The following TYW3 variants were observed in gnomAD, a reference collection of about 807,000 sequenced individuals.
The protein encoded by TYW3 is tRNA-yW synthesizing protein 3 homolog, also known as tRNA wybutosine-synthesizing protein 3 homolog.
Under a neutral mutation model 23.1 loss-of-function variants are expected in TYW3, and 26 were observed. The ratio of observed to expected loss-of-function variants is 1.13; its 90% CI spans 0.83 to 1.56. The LOEUF is 1.56. Ranked by LOEUF, TYW3 falls within the 40% of genes most tolerant of loss-of-function variation. The probability of loss-of-function intolerance (pLI) is 0.00; values close to 1 mark genes in which losing one functional copy is unlikely to be tolerated. For synonymous variants in TYW3, 102 were observed against 105.7 expected, an observed-to-expected ratio of 0.97 and a Z score of 0.21; for missense variants, 316 against 311.9, an observed-to-expected ratio of 1.01 and a Z score of -0.10.
chr1:74,746,429 C>G (rs942030164), intron 3 of TYW3, among the ~76,000 whole-genome samples: 4 of 152,212 alleles, frequency 2.6e-5, no homozygotes, highest in African/African-American at 9.7e-5. Context: ...GACTTTAACT[C>G]TCCTGTTTCT....
At chr1:74,739,866 C>G (rs548270870) in intron 3 of TYW3, among the ~76,000 whole-genome samples, 3 of 152,118 alleles carry the variant, frequency 2.0e-5, no homozygotes, top group Non-Finnish European at 2.9e-5. Flanking sequence ...GGAATAGATT[C>G]AATATGTATT....
intron 1 of TYW3, among the ~76,000 whole-genome samples, chr1:74,734,411 G>A (rs1403674353): frequency 6.6e-6 from 1 of 152,128 alleles, no homozygotes; most frequent in Admixed American, 6.5e-5. Flanking sequence ...CCCAAAGTAC[G>A]GGAGTAATGA....
chr1:74,740,287 C>T (rs1165025074), intron 3 of TYW3, among the ~76,000 whole-genome samples: 1 of 152,186 alleles, frequency 6.6e-6, no homozygotes, highest in African/African-American at 2.4e-5. Context: ...TTGTTTGTTC[C>T]TCCCAGTGGG....
In TYW3 at chr1:74,752,166, C is replaced by G. The variant is rs192843984; in HGVS notation, c.427-126C>G. On this transcript the variant is annotated intron_variant, in intron 4 of 5. Transcript: ENST00000370867. ...TGTGCTCAGCTAAATTCTATCAAAG[C>G]GCTAACTTAACTGTTGTAATGGAAC... is the stretch of plus-strand genomic sequence containing the variant. 122 of 925,114 alleles carry G rather than the reference C, an allele frequency of 1.3e-4. No homozygotes were observed. The African/African-American group carries it at 2.0e-3, about 15-fold the overall frequency. 57.3% of individuals were successfully genotyped at this position (925,114 alleles called of 1,614,324 possible).
At chr1:74,747,636 CAAAA>C (rs1213918927) in intron 3 of TYW3, among the ~76,000 whole-genome samples, 1 of 62,736 alleles carries the variant, frequency 1.6e-5, no homozygotes. Context: ...GACTCCGTCT[CAAAA>C]AAAAAAAAAA....
intron 3 of TYW3, 141 bp from the exon 4 acceptor site, chr1:74,748,610 A>T: frequency 1.5e-6 from 1 of 683,712 alleles, no homozygotes; most frequent in Non-Finnish European, 2.6e-6. Context: ...TTTTAAGCAT[A>T]GTCCGTATTG....
chr1:74,760,233 CAG>C (rs903320581), intron 5 of TYW3, among the ~76,000 whole-genome samples: 1 of 151,918 alleles, frequency 6.6e-6, no homozygotes, highest in Non-Finnish European at 1.5e-5. Context: ...CCTGCTATCT[CAG>C]GGGTGGCAGA....
chr1:74,735,649 C>T (rs1349586914), intron 1 of TYW3, among the ~76,000 whole-genome samples: 1 of 152,172 alleles, frequency 6.6e-6, no homozygotes, highest in African/African-American at 2.4e-5. Flanking sequence ...ACCACTAGAT[C>T]CTGTAAAGTT....
chr1:74,749,692 C>T (rs889590167), intron 4 of TYW3, among the ~76,000 whole-genome samples: 2 of 152,182 alleles, frequency 1.3e-5, no homozygotes, highest in South Asian at 2.1e-4. Flanking sequence ...CCTGGCCAGG[C>T]GTGGTGGCTC....
At chr1:74,763,840 A>G in intron 5 of TYW3, 54 bp from the exon 6 acceptor site, 1 of 1,387,640 alleles carries the variant, frequency 7.2e-7, no homozygotes, top group Non-Finnish European at 9.9e-7. Context: ...GGTGTATTTC[A>G]GTCATTTCGT....
At chr1:74,751,582 A>T (rs1285836918) in intron 4 of TYW3, 4 of 152,374 alleles carry the variant, frequency 2.6e-5, no homozygotes, top group Admixed American at 2.0e-4. Context: ...AGGCAGGAGA[A>T]TCGCTTGAAC....
rs1050813226 is a variant in TYW3 at position 74,764,300 on chromosome 1, C to G, written c.*187C>G. On this transcript the variant is annotated 3_prime_UTR_variant, in exon 6 of 6. Coordinates refer to ENST00000370867, the MANE Select transcript of TYW3 (RefSeq NM_138467.3). ...GTTGTCATCTAAGCTCTCAGCAGTACCCGGCTTATCCTACGACTTCACCTG... is the reference window on the plus strand; with the variant it reads ...GTTGTCATCTAAGCTCTCAGCAGTAGCCGGCTTATCCTACGACTTCACCTG... The G allele has an allele frequency of 9.9e-6, 5 of 502,714 alleles. No homozygotes were observed. Among genetic ancestry groups the G allele is most frequent in the Non-Finnish European group, 1.7e-5 (5 of 288,378 alleles). The allele number at this position is 502,714 out of a possible 1,614,324, so 31.1% of individuals were successfully genotyped here.
intron 3 of TYW3, among the ~76,000 whole-genome samples, chr1:74,748,083 C>A (rs2100765928): frequency 6.6e-6 from 1 of 152,242 alleles, no homozygotes; most frequent in East Asian, 1.9e-4. Flanking sequence ...GTTTAAGCTG[C>A]ATCCCTGGCC....
At chr1:74,733,969 G>T (rs1261784490) in intron 1 of TYW3, 1 of 140,364 alleles carries the variant, frequency 7.1e-6, no homozygotes, top group Admixed American at 7.4e-5. Flanking sequence ...ATTTAGGATG[G>T]TTAGACTTTT....
At chr1:74,746,095 C>G (rs142754972) in intron 3 of TYW3, among the ~76,000 whole-genome samples, 2 of 152,348 alleles carry the variant, frequency 1.3e-5, no homozygotes, top group African/African-American at 4.8e-5. Context: ...TCCGTAAAAA[C>G]ACCACCTAAG....
At chr1:74,749,071 C>CCTAA (rs1648688454) in intron 4 of TYW3, among the ~76,000 whole-genome samples, 2 of 152,174 alleles carry the variant, frequency 1.3e-5, no homozygotes, top group African/African-American at 4.8e-5. Context: ...CCCTCCTCAT[C>CCTAA]CTAAGTAGGC....
chr1:74,739,952 A>G (rs562205029), intron 3 of TYW3, among the ~76,000 whole-genome samples: 1 of 152,334 alleles, frequency 6.6e-6, no homozygotes, highest in South Asian at 2.1e-4. Context: ...AGAGGAATCA[A>G]GGATAACTAC....
chr1:74,745,572 A>T (rs148384191), intron 3 of TYW3, among the ~76,000 whole-genome samples: 230 of 152,224 alleles, frequency 1.5e-3, no homozygotes, highest in African/African-American at 5.1e-3. Context: ...GTGCATTTAC[A>T]ATCCTCTAGC....
chr1:74,763,935 T>A lies in TYW3; in HGVS notation c.602T>A (p.Met201Lys). Residue 201 changes from methionine to lysine, a missense_variant, in exon 6 of 6, where the codon ATG becomes AAG. Transcript: ENST00000370867. ...CAGCATGCTTTGGAAAGGGAAACGA[T>A]GACTAACTTACATCCCAAGATCAAA... ...CLQHALERET[M>K]TNLHPKIKEK... The A allele has an allele frequency of 6.2e-7, 1 of 1,606,312 alleles. No homozygotes were observed. Among genetic ancestry groups the A allele is most frequent in the Non-Finnish European group, 8.5e-7 (1 of 1,178,052 alleles).
Sources: gnomAD v4.1 joint callset for allele counts (sites outside exome capture counted in the v4.1 genomes callset) on GRCh38, gnomAD v4.1.1 for gene constraint, MANE v1.5 for transcripts, NCBI Gene and HGNC (gene_info 2026-07-23, HGNC 2026-07-21) for gene names.